AQR: variants seen among roughly 807,000 people sequenced by gnomAD.
AQR encodes the protein aquarius intron-binding spliceosomal factor, also known as RNA helicase aquarius.
AQR carries 61 observed loss-of-function variants against 180.5 expected under a neutral mutation model. The observed-to-expected ratio is 0.34, with a 90% CI of 0.28 to 0.42. AQR has a LOEUF of 0.42. Ranked by LOEUF, AQR falls within the 10% of genes least tolerant of loss-of-function variation. The pLI, the probability that AQR is intolerant of heterozygous loss-of-function variation, is 1.00. For missense variants in AQR, 1,281 were observed against 1,798.3 expected (o/e 0.71, Z 5.20); for synonymous variants, 551 against 588.8 (o/e 0.94, Z 0.93).
chr15:34,866,292 C>T (rs528663655), intron 32 of AQR, among the ~76,000 whole-genome samples: 2 of 152,064 alleles, frequency 1.3e-5, no homozygotes, highest in Non-Finnish European at 2.9e-5. Flanking sequence ...TATGCACAAC[C>T]ACCACCAACA....
At chr15:34,953,977 C>T (rs937512129) in intron 3 of AQR, among the ~76,000 whole-genome samples, 2 of 152,166 alleles carry the variant, frequency 1.3e-5, no homozygotes, top group African/African-American at 2.4e-5. Flanking sequence ...TGCAGTGGCA[C>T]GATCTCGGTA....
chr15:34,924,685 C>T (rs553627936), intron 13 of AQR, among the ~76,000 whole-genome samples: 278 of 152,256 alleles, frequency 1.8e-3, no homozygotes, highest in Middle Eastern at 0.01. Flanking sequence ...CCCACCTCAG[C>T]CTCCCAAAGT....
At chr15:34,926,808 C>T (rs976372471) in intron 13 of AQR, among the ~76,000 whole-genome samples, 9 of 151,908 alleles carry the variant, frequency 5.9e-5, no homozygotes, top group Non-Finnish European at 1.5e-5. Flanking sequence ...AATTTCAGAT[C>T]GAAGAAAATT....
At position 34,899,676 on chromosome 15, in the gene AQR, T is replaced by TTATA. The variant is rs57273821; in HGVS notation, c.2243+942_2243+945dup. Among the ~76,000 whole-genome samples, 905 of 147,474 alleles carry TTATA rather than the reference T, an allele frequency of 6.1e-3. 10 individuals carry two copies. The highest frequency in any genetic ancestry group is 0.021 in the African/African-American group (837 of 40,314). ...ATGAGCCACCACACCTGGCCTATTA[T>TTATA]TATATATATATATATATACAGTTGA... is the stretch of plus-strand genomic sequence containing the variant. On this transcript the variant is annotated intron_variant, in intron 20 of 34. Transcript: ENST00000156471.
intron 17 of AQR, among the ~76,000 whole-genome samples, chr15:34,909,474 A>T (rs1187435245): frequency 1.3e-5 from 2 of 152,226 alleles, no homozygotes; most frequent in Non-Finnish European, 2.9e-5. Flanking sequence ...AATAGGAGGA[A>T]TAACTCCTTT....
chr15:34,940,900 G>C lies in AQR; in HGVS notation c.640C>G (p.Gln214Glu), dbSNP rs1894012652. The change falls in exon 8 of 35, where the codon CAG (glutamine) becomes GAG (glutamate). Residue 214 changes from glutamine to glutamate, a missense_variant and splice_region_variant. Physicochemically the swap from Gln to Glu is conservative, Grantham distance 29 (BLOSUM62 2). Around this residue, in one of 9 missense-constraint regions of AQR, gnomAD observed 404 missense variants for 490.9 expected, o/e 0.82. Transcript: ENST00000156471. ...DEKMDPEARE[Q>E]AYQERRFLSQ... ...TGAAATGAAGCTCTGCCAACATACT[G>C]TTCTCTTGCTTCTGGATCCATCTTT... The C allele has an allele frequency of 6.3e-7, 1 of 1,598,480 alleles. No homozygotes were observed. The highest frequency in any genetic ancestry group is 8.6e-7 in the Non-Finnish European group (1 of 1,168,322).
intron 27 of AQR, among the ~76,000 whole-genome samples, chr15:34,878,385 CAAAAAAAAA>C (rs5811839): frequency 4.8e-5 from 2 of 41,660 alleles, no homozygotes; most frequent in African/African-American, 1.9e-4. Flanking sequence ...GACTCTGTCT[CAAAAAAAAA>C]AAAAAAAAAA....
intron 9 of AQR, among the ~76,000 whole-genome samples, chr15:34,935,991 C>A (rs1339793884): frequency 1.3e-5 from 2 of 152,080 alleles, no homozygotes; most frequent in African/African-American, 4.8e-5. Context: ...CTGGAAATGG[C>A]CTATTTAAAA....
intron 31 of AQR, chr15:34,867,884 C>G (rs1426902945): frequency 3.6e-6 from 1 of 275,180 alleles, no homozygotes; most frequent in Non-Finnish European, 6.7e-6. Context: ...ACAGTCTTCC[C>G]CCATTAGATT....
chr15:34,946,461 G>T (rs1269716348), intron 5 of AQR, among the ~76,000 whole-genome samples: 1 of 118,352 alleles, frequency 8.4e-6, no homozygotes, highest in Non-Finnish European at 1.8e-5. Context: ...CCGGCCAGCC[G>T]CCCCGTCCAG....
chr15:34,904,650 T>A, intron 18 of AQR, 145 bp from the exon 19 acceptor site: 2 of 668,664 alleles, frequency 3.0e-6, no homozygotes, highest in South Asian at 2.3e-5. Flanking sequence ...TGCCCTCCAC[T>A]CACCCACTTC....
Position 34,856,621 on chromosome 15 carries a change from A to G in AQR, c.*171T>C. The G allele has an allele frequency of 5.7e-6, 3 of 525,466 alleles. No individual in the cohort carries two copies. The highest frequency in any genetic ancestry group is 9.5e-6 in the Non-Finnish European group (3 of 314,406). The allele number at this position is 525,466 out of a possible 1,614,324, so 32.6% of individuals were successfully genotyped here. A position where few individuals can be genotyped will look rare whatever the true frequency, so the allele number is the denominator to read the frequency against. ...TGAACAAATGAAACTAGAATTGTTC[A>G]TACACATAATTTAAAAAAATATATT... On this transcript the variant is annotated 3_prime_UTR_variant, in exon 35 of 35. Transcript: ENST00000156471.
intron 34 of AQR, among the ~76,000 whole-genome samples, chr15:34,858,014 C>T (rs990185895): frequency 6.6e-6 from 1 of 152,066 alleles, no homozygotes; most frequent in African/African-American, 2.4e-5. Context: ...GACAGAGTCC[C>T]ACTCTGTCGC....
At position 34,898,840 on chromosome 15, in the gene AQR, A is replaced by G. The variant is rs1177911691; in HGVS notation, c.2244-1135T>C. Among the ~76,000 whole-genome samples the G allele has an allele frequency of 2.9e-5, 4 of 135,944 alleles. No homozygotes were observed. In the East Asian group the frequency reaches 9.0e-4, roughly 31 times the overall value. 89.2% of individuals were successfully genotyped at this position (135,944 alleles called of 152,430 possible). ...CAGAGCTTGCAGTGAGCCAAGATGGAGCCACTGCACTCCAGCCCGGGTGAC... is the reference window on the plus strand; with the variant it reads ...CAGAGCTTGCAGTGAGCCAAGATGGGGCCACTGCACTCCAGCCCGGGTGAC... On this transcript the variant is annotated intron_variant, in intron 20 of 34. Transcript: ENST00000156471.
At position 34,882,813 on chromosome 15, in the gene AQR, T is replaced by G. The variant is rs548909712; in HGVS notation, c.3028-174A>C. On this transcript the variant is annotated intron_variant, in intron 26 of 34. Transcript: ENST00000156471. The stretch of plus-strand genomic sequence containing the variant: ...TTCGGTACTAATTGAGTTTAAATAA[T>G]AGCTGATATAAAAGTTATAATTCAA... 9.2e-5 allele frequency among the ~76,000 whole-genome samples: 14 copies of G among 152,330 alleles called. No homozygotes were observed. In the South Asian group the frequency reaches 2.9e-3, roughly 32 times the overall value.
chr15:34,938,358 A>AC (rs1893974418), intron 9 of AQR, among the ~76,000 whole-genome samples: 1 of 151,636 alleles, frequency 6.6e-6, no homozygotes, highest in Non-Finnish European at 1.5e-5. Context: ...ACATGGAGAA[A>AC]CCCCGTCTCT....
chr15:34,896,726 G>A (rs984129063), intron 22 of AQR, among the ~76,000 whole-genome samples, 171 bp downstream of exon 22: 1 of 152,152 alleles, frequency 6.6e-6, no homozygotes, highest in Non-Finnish European at 1.5e-5. Context: ...GCGGGTACCT[G>A]TAATCTCAGC....
intron 2 of AQR, among the ~76,000 whole-genome samples, chr15:34,962,757 G>GA (rs2050287383): frequency 6.6e-6 from 1 of 150,510 alleles, no homozygotes; most frequent in African/African-American, 2.4e-5. Flanking sequence ...TGACAAGAGC[G>GA]AGACTCCACC....
rs922199875 is a variant in AQR at position 34,856,498 on chromosome 15, T to C, written c.*294A>G. On this transcript the variant is annotated 3_prime_UTR_variant, in exon 35 of 35. Transcript: ENST00000156471. ...AGAAGTTCACTAAAAATGTGAAGTA[T>C]ATATTATATATTCATAGAAAATGAT... The C allele has an allele frequency of 1.7e-5, 7 of 409,402 alleles. No homozygotes were observed. The highest frequency in any genetic ancestry group is 4.0e-5 in the Admixed American group (1 of 24,916). The allele number at this position is 409,402 out of a possible 1,614,324, so 25.4% of individuals were successfully genotyped here. A position where few individuals can be genotyped will look rare whatever the true frequency, so the allele number is the denominator to read the frequency against.
Sources: allele counts gnomAD v4.1 joint callset (sites outside exome capture counted in the v4.1 genomes callset), GRCh38; gene constraint gnomAD v4.1.1; regional missense constraint gnomAD v4.1.1; transcripts MANE v1.5; gene names NCBI Gene and HGNC (gene_info 2026-07-23, HGNC 2026-07-21).